Variants in POC1B observed in about 807,000 individuals in gnomAD.
The protein encoded by POC1B is POC1 centriolar protein homolog B.
Under a neutral mutation model 60.6 loss-of-function variants are expected in POC1B, and 44 were observed. The observed-to-expected ratio is 0.73, with a 90% CI of 0.57 to 0.93. The LOEUF is 0.93. POC1B is among the 40% of genes least tolerant of loss of function. POC1B has a pLI of 0.00. For missense variants in POC1B, 555 were observed against 572.3 expected, an observed-to-expected ratio of 0.97 and a Z score of 0.31; for synonymous variants, 180 against 198.9, an observed-to-expected ratio of 0.90 and a Z score of 0.80.
chr12:89,459,754 C>T (rs1370812072), intron 9 of POC1B, 36 bp from the exon 10 acceptor site: 1 of 1,229,350 alleles, frequency 8.1e-7, no homozygotes, highest in Admixed American at 2.6e-5. Context: ...ATGAGATTTT[C>T]ATACCATAAG....
At chr12:89,475,910 C>CTTTTTTTTT (rs972058107) in intron 4 of POC1B, among the ~76,000 whole-genome samples, 5 of 86,116 alleles carry the variant, frequency 5.8e-5, no homozygotes, top group Admixed American at 1.5e-4. Flanking sequence ...TGAGGGAATT[C>CTTTTTTTTT]TTTTTTTTTT....
intron 9 of POC1B, chr12:89,461,943 T>G (rs1882500741): frequency 1.3e-5 from 2 of 152,300 alleles, no homozygotes; most frequent in Middle Eastern, 3.4e-3. Flanking sequence ...ATACGTTTTA[T>G]TCTCTTTTAT....
chr12:89,523,454 T>G, intron 2 of POC1B: 1 of 1,614,132 alleles, frequency 6.2e-7, no homozygotes, highest in Non-Finnish European at 8.5e-7. Flanking sequence ...GGTGCCCGCT[T>G]GGGGAACACA....
chr12:89,521,855 A>G (rs1870906564), intron 2 of POC1B: 1 of 397,812 alleles, frequency 2.5e-6, no homozygotes, highest in Middle Eastern at 6.3e-4. Context: ...AACTCGTAGG[A>G]GAGTTCCACA....
downstream of POC1B, among the ~76,000 whole-genome samples, chr12:89,415,176 C>T (rs114682345): frequency 9.1e-3 from 1,390 of 152,236 alleles, 31 homozygotes; most frequent in African/African-American, 0.032. Flanking sequence ...AGGCTAATTT[C>T]TTTTATATAA....
chr12:89,417,759 G>A (rs114484372), downstream of POC1B, among the ~76,000 whole-genome samples: 563 of 152,276 alleles, frequency 3.7e-3, 2 homozygotes, highest in African/African-American at 0.013. Context: ...TGATGTGGCT[G>A]AAGATTAATA....
At chr12:89,501,542 CT>C in intron 2 of POC1B, 1 of 1,176,234 alleles carries the variant, frequency 8.5e-7, no homozygotes, top group Non-Finnish European at 1.2e-6. Context: ...CAGATGCCAC[CT>C]GTGGGAAGCA....
chr12:89,507,363 C>G (rs1869958592), intron 2 of POC1B, among the ~76,000 whole-genome samples: 1 of 150,792 alleles, frequency 6.6e-6, no homozygotes, highest in African/African-American at 2.4e-5. Context: ...ACTGTCCTAC[C>G]AAACCCTAAT....
At chr12:89,470,878 G>A (rs1882863259) in intron 6 of POC1B, among the ~76,000 whole-genome samples, 1 of 152,192 alleles carries the variant, frequency 6.6e-6, no homozygotes, top group African/African-American at 2.4e-5. Flanking sequence ...GAGACAGTTT[G>A]AAACGGGCAC....
At chr12:89,475,170 T>C (rs2135721869) in intron 4 of POC1B, among the ~76,000 whole-genome samples, 1 of 152,264 alleles carries the variant, frequency 6.6e-6, no homozygotes, top group African/African-American at 2.4e-5. Flanking sequence ...AGAAGCTCCA[T>C]AGAGGAAACA....
chr12:89,417,071 C>G (rs1880376771), downstream of POC1B, among the ~76,000 whole-genome samples: 1 of 152,136 alleles, frequency 6.6e-6, no homozygotes, highest in Admixed American at 6.5e-5. Flanking sequence ...TTCACATATT[C>G]CACTAAAGTT....
the POC1B span, among the ~76,000 whole-genome samples, chr12:89,407,881 T>G: frequency 2.0e-5 from 3 of 152,240 alleles, no homozygotes; most frequent in African/African-American, 2.4e-5. Context: ...TAGGTATACA[T>G]GTAACATGGT....
At chr12:89,504,200 T>C (rs1217064831) in intron 2 of POC1B, among the ~76,000 whole-genome samples, 1 of 152,226 alleles carries the variant, frequency 6.6e-6, no homozygotes, top group Non-Finnish European at 1.5e-5. Context: ...AGAAATCAGA[T>C]TGTTGCTGTG....
chr12:89,441,157 C>T (rs542351967), intron 10 of POC1B, among the ~76,000 whole-genome samples: 1 of 152,338 alleles, frequency 6.6e-6, no homozygotes, highest in East Asian at 1.9e-4. Flanking sequence ...TCAAGGAGGC[C>T]TGCCCACCTC....
chr12:89,499,202 T>G (rs911380348), intron 2 of POC1B, among the ~76,000 whole-genome samples: 6 of 152,182 alleles, frequency 3.9e-5, no homozygotes, highest in Non-Finnish European at 7.4e-5. Context: ...GTGTGTCTTC[T>G]TCTTCTAAAG....
At chr12:89,476,275 T>C (rs1439197364) in intron 4 of POC1B, among the ~76,000 whole-genome samples, 1 of 152,132 alleles carries the variant, frequency 6.6e-6, no homozygotes, top group African/African-American at 2.4e-5. Context: ...ATAGCCCAAA[T>C]TATATAACAG....
intron 2 of POC1B, chr12:89,500,567 C>T (rs1267300455): frequency 3.7e-6 from 6 of 1,605,686 alleles, no homozygotes; most frequent in African/African-American, 1.3e-5. Context: ...TGTTGGCTCA[C>T]CTTCTGTTCT....
chr12:89,423,121 C>T (rs768582556), intron 11 of POC1B, among the ~76,000 whole-genome samples: 4 of 150,830 alleles, frequency 2.7e-5, no homozygotes, highest in Admixed American at 6.6e-5. Context: ...CTTCCCACCT[C>T]GGTCTCCTGG....
intron 10 of POC1B, among the ~76,000 whole-genome samples, chr12:89,447,971 T>A (rs559871844): frequency 6.6e-6 from 1 of 151,874 alleles, no homozygotes. Flanking sequence ...AGATAACGCA[T>A]GACCTGAGGA....
Sources: gnomAD v4.1 joint callset for allele counts (sites outside exome capture counted in the v4.1 genomes callset) on GRCh38, gnomAD v4.1.1 for gene constraint, MANE v1.5 for transcripts, NCBI Gene and HGNC (gene_info 2026-07-23, HGNC 2026-07-21) for gene names.